PCDHGA1: variants seen among roughly 807,000 people sequenced by gnomAD.
PCDHGA1 encodes protocadherin gamma-A1.
PCDHGA1 carries 32 observed loss-of-function variants against 58.0 expected under a neutral mutation model. The observed-to-expected ratio is 0.55, with a 90% CI of 0.42 to 0.74. The LOEUF is 0.74. Among genes scored for constraint, PCDHGA1 ranks in the 30% least tolerant of loss-of-function variants. PCDHGA1 has a pLI of 0.00. For synonymous variants in PCDHGA1, 498 were observed against 501.1 expected (o/e 0.99, Z 0.08); for missense variants, 1,205 against 1,182.3 (o/e 1.02, Z -0.28).
At chr5:141,470,872 TTTTTTGTTTTTG>T (rs900302332) in intron 1 of PCDHGA1, among the ~76,000 whole-genome samples, 1 of 151,814 alleles carries the variant, frequency 6.6e-6, no homozygotes, top group Non-Finnish European at 1.5e-5. Context: ...GTTTGTTTGT[TTTTTTGTTTTTG>T]TTTTTGTTTT....
At chr5:141,417,555 TAGAGA>T (rs926975589) in intron 1 of PCDHGA1, 38 of 335,630 alleles carry the variant, frequency 1.1e-4, no homozygotes, top group Non-Finnish European at 1.5e-4. Context: ...TTGAAAGAGG[TAGAGA>T]AAAGTCAAGT....
At position 141,413,783 on chromosome 5, in the gene PCDHGA1, C is replaced by T. The variant is rs1418394305; in HGVS notation, c.2421+80678C>T. 3.7e-6 allele frequency: 6 copies of T among 1,613,096 alleles called. No individual in the cohort carries two copies. Among genetic ancestry groups the T allele is most frequent in the Non-Finnish European group, 4.2e-6 (5 of 1,179,878 alleles). On this transcript the variant is annotated intron_variant, in intron 1 of 3. Coordinates refer to ENST00000517417, the MANE Select transcript of PCDHGA1 (RefSeq NM_018912.3). ...TACCCGGAGCTGGTACTGGAGCACT[C>T]CCTAGATCGCGAGGAAGAGGCCATT...
At chr5:141,496,759 C>T (rs1287940646) in intron 2 of PCDHGA1, among the ~76,000 whole-genome samples, 2 of 152,038 alleles carry the variant, frequency 1.3e-5, no homozygotes, top group South Asian at 4.2e-4. Context: ...AAATATTTAT[C>T]GAGCATCTAC....
Position 141,511,066 on chromosome 5 carries a change from C to T in PCDHGA1, c.2689C>T (p.Pro897Ser). Residue 897 changes from proline to serine, a missense_variant, in exon 4 of 4, where the codon CCA (proline) becomes TCA (serine). Physicochemically the swap from Pro to Ser is moderately conservative, Grantham distance 74. Transcript: ENST00000517417. The part of the protein sequence containing the change: ...VPDYRQNVYI[P>S]GSNATLTNAA... ...CGACTACCGCCAGAATGTCTACATC[C>T]CAGGCAGCAATGCCACACTGACCAA... 1.2e-6 allele frequency: 2 copies of T among 1,614,230 alleles called. No individual in the cohort carries two copies. Among genetic ancestry groups the T allele is most frequent in the Non-Finnish European group, 1.7e-6 (2 of 1,180,036 alleles).
intron 1 of PCDHGA1, chr5:141,355,810 G>C (rs756091940): frequency 6.2e-7 from 1 of 1,613,274 alleles, no homozygotes; most frequent in Non-Finnish European, 8.5e-7. Context: ...AGATCGCGAG[G>C]AAGAGGCGGT....
chr5:141,338,179 T>C (rs1315403317), intron 1 of PCDHGA1, among the ~76,000 whole-genome samples: 2 of 152,228 alleles, frequency 1.3e-5, no homozygotes, highest in African/African-American at 4.8e-5. Flanking sequence ...TTATACTCTC[T>C]TTACTTTCTT....
chr5:141,409,928 G>T, intron 1 of PCDHGA1: 4 of 1,613,354 alleles, frequency 2.5e-6, no homozygotes, highest in Non-Finnish European at 2.5e-6. Flanking sequence ...CGCGTTCTTC[G>T]ATATGGTACC....
At chr5:141,427,914 A>C in intron 1 of PCDHGA1, 1 of 1,576,800 alleles carries the variant, frequency 6.3e-7, no homozygotes, top group Non-Finnish European at 8.7e-7. Flanking sequence ...CAGCGCCAAC[A>C]TGAGCCGGCG....
At position 141,332,095 on chromosome 5, in the gene PCDHGA1, A is replaced by C; in HGVS notation, c.1411A>C (p.Ile471Leu). Residue 471 changes from isoleucine (I) to leucine (L), a missense_variant, in exon 1 of 4, where the codon ATC (isoleucine) becomes CTC (leucine). Ile to Leu is a conservative substitution (Grantham distance 5). Coordinates refer to ENST00000517417, the MANE Select transcript of PCDHGA1 (RefSeq NM_018912.3). This position sits in a 1 kb window ranked among gnomAD's most constrained non-coding sequence, Gnocchi z 4.6. The stretch of plus-strand genomic sequence containing the variant: ...CGAAAACAACCCCAGAGGAGCCTCC[A>C]TCTTCTCTGTGAGGGCCCACGACTT... ...IPENNPRGAS[I>L]FSVRAHDLDS... 1.2e-6 allele frequency: 2 copies of C among 1,614,080 alleles called. No individual in the cohort carries two copies. Among genetic ancestry groups the C allele is most frequent in the Non-Finnish European group, 1.7e-6 (2 of 1,180,004 alleles).
chr5:141,368,214 T>C (rs983603842), intron 1 of PCDHGA1, among the ~76,000 whole-genome samples: 12 of 152,194 alleles, frequency 7.9e-5, no homozygotes, highest in African/African-American at 2.9e-4. Flanking sequence ...ATATTACAAA[T>C]GGGATAGTAA....
At chr5:141,444,531 C>T (rs1021207516) in intron 1 of PCDHGA1, among the ~76,000 whole-genome samples, 2 of 152,100 alleles carry the variant, frequency 1.3e-5, no homozygotes, top group Non-Finnish European at 1.5e-5. Context: ...GAGACAGTGA[C>T]TGTGTCTAGT....
intron 1 of PCDHGA1, chr5:141,389,468 C>T (rs772524229): frequency 1.2e-6 from 2 of 1,613,294 alleles, no homozygotes; most frequent in East Asian, 2.2e-5. Context: ...CCTTCGAACT[C>T]ACACTGCAGG....
At chr5:141,403,901 A>G in intron 1 of PCDHGA1, 3 of 1,613,926 alleles carry the variant, frequency 1.9e-6, no homozygotes, top group Non-Finnish European at 2.5e-6. Context: ...ATTTTATGAA[A>G]TGGAAATACA....
intron 1 of PCDHGA1, chr5:141,420,985 C>T (rs1371634966): frequency 4.1e-6 from 2 of 487,950 alleles, no homozygotes; most frequent in African/African-American, 4.0e-5. Flanking sequence ...GGGCTCTAGG[C>T]GCCGCTGCTC....
chr5:141,465,836 A>G (rs974075792), intron 1 of PCDHGA1, among the ~76,000 whole-genome samples: 1 of 151,774 alleles, frequency 6.6e-6, no homozygotes, highest in East Asian at 1.9e-4. Context: ...TAAAATTTCA[A>G]CTGAGGCTGG....
intron 1 of PCDHGA1, among the ~76,000 whole-genome samples, chr5:141,469,061 G>C (rs960166489): frequency 1.3e-5 from 2 of 152,010 alleles, no homozygotes; most frequent in African/African-American, 4.8e-5. Flanking sequence ...AGGATTGCTT[G>C]AGCCTAGGAG....
rs1561493536 is a variant in PCDHGA1, at chr5:141,347,171, CTT to C, written c.2421+14068_2421+14069del. Among the ~76,000 whole-genome samples the C allele has an allele frequency of 3.4e-3, 490 of 144,414 alleles. 5 individuals carry two copies. Among genetic ancestry groups the C allele is most frequent in the African/African-American group, 0.012 (462 of 38,990 alleles). The allele number at this position is 144,414 out of a possible 152,430, so 94.7% of individuals were successfully genotyped here. On this transcript the variant is annotated intron_variant, in intron 1 of 3. Coordinates refer to ENST00000517417, the MANE Select transcript of PCDHGA1 (RefSeq NM_018912.3). ...TCTTTCTTTCTTTCTTTCTTTCTTT[CTT>C]TCTTTCTTGACAGGGTCTTACTCTG... is the stretch of plus-strand genomic sequence containing the variant.
Position 141,332,065 on chromosome 5 carries a change from A to G in PCDHGA1, c.1381A>G (p.Ile461Val). 1.2e-6 allele frequency: 2 copies of G among 1,614,080 alleles called. No homozygotes were observed. Among genetic ancestry groups the G allele is most frequent in the South Asian group, 1.1e-5 (1 of 91,056 alleles). Residue 461 changes from isoleucine (I) to valine (V), a missense_variant, in exon 1 of 4, where the codon ATT becomes GTT. Physicochemically the swap from Ile to Val is conservative, Grantham distance 29 (BLOSUM62 3). Transcript: ENST00000517417. The surrounding 1 kb of genome is among the most constrained non-coding windows in gnomAD (Gnocchi z 4.6). ...CCATCAGGACTCCTACTCTGCCTAC[A>G]TTCCCGAAAACAACCCCAGAGGAGC... ...VFHQDSYSAY[I>V]PENNPRGASI...
chr5:141,459,976 G>A (rs1013971472), intron 1 of PCDHGA1, among the ~76,000 whole-genome samples: 1 of 152,202 alleles, frequency 6.6e-6, no homozygotes, highest in Non-Finnish European at 1.5e-5. Flanking sequence ...TACTCAGGAG[G>A]CTGAGACAGG....
Sources: allele counts gnomAD v4.1 joint callset (sites outside exome capture counted in the v4.1 genomes callset), GRCh38; gene constraint gnomAD v4.1.1; non-coding constraint Gnocchi (gnomAD v3.1); transcripts MANE v1.5; gene names NCBI Gene and HGNC (gene_info 2026-07-23, HGNC 2026-07-21).